The following TANC2 variants were observed in gnomAD, a reference collection of about 807,000 sequenced individuals.
TANC2 encodes tetratricopeptide repeat, ankyrin repeat and coiled-coil containing 2, also known as protein TANC2.
Under a neutral mutation model 210.5 loss-of-function variants are expected in TANC2, and 26 were observed. The ratio of observed to expected loss-of-function variants is 0.12; its 90% CI spans 0.09 to 0.17. The LOEUF (loss-of-function observed/expected upper bound fraction) is 0.17, where lower values mean the gene tolerates loss of function less well. TANC2 is among the 10% of genes least tolerant of loss of function. TANC2 has a pLI of 1.00. For missense variants in TANC2, 2,129 were observed against 2,608.9 expected (o/e 0.82, Z 4.01); for synonymous variants, 931 against 967.1 (o/e 0.96, Z 0.69).
rs899476750 is a variant in TANC2 at position 63,418,898 on chromosome 17, C to T, written c.4268+491C>T. 7.2e-5 allele frequency among the ~76,000 whole-genome samples: 11 copies of T among 151,858 alleles called. No homozygotes were observed. Among genetic ancestry groups the T allele is most frequent in the African/African-American group, 2.4e-4 (10 of 41,318 alleles). ...CCTCAAGTCTGGTGGCATCAGACCC[C>T]CTTCCACCTAAACCATCACCCACCA... On this transcript the variant is annotated intron_variant, in intron 27 of 27. Coordinates refer to ENST00000689528, the Ensembl canonical transcript of TANC2. This position sits in a 1 kb window ranked among gnomAD's most constrained non-coding sequence, Gnocchi z 4.6.
chr17:63,301,367 T>C (rs994142052), intron 9 of TANC2, among the ~76,000 whole-genome samples: 2 of 152,186 alleles, frequency 1.3e-5, no homozygotes, highest in African/African-American at 4.8e-5. Flanking sequence ...CAGCTCCTCT[T>C]TGTACCTCTG....
chr17:63,170,825 G>C (rs1436593630), intron 5 of TANC2, among the ~76,000 whole-genome samples: 1 of 152,066 alleles, frequency 6.6e-6, no homozygotes, highest in Non-Finnish European at 1.5e-5. Context: ...CCATCTCTTT[G>C]AGCAAACTGT....
chr17:63,421,991 A>G lies in TANC2; in HGVS notation c.*36A>G, dbSNP rs199999087. On this transcript the variant is annotated 3_prime_UTR_variant, in exon 28 of 28. Transcript: ENST00000689528. This position sits in a 1 kb window ranked among gnomAD's most constrained non-coding sequence, Gnocchi z 6.9. Reference sequence around the variant, plus strand: ...GTTGGAGTGAGACCCATATGTTTTCACTGCACATTTTCAGGCTTGGTTTCC... The same window carrying G: ...GTTGGAGTGAGACCCATATGTTTTCGCTGCACATTTTCAGGCTTGGTTTCC... 5.8e-6 allele frequency: 9 copies of G among 1,548,590 alleles called. No individual in the cohort carries two copies. The highest frequency in any genetic ancestry group is 7.8e-6 in the Non-Finnish European group (9 of 1,148,762).
At chr17:63,263,428 G>A (rs1247965875) in intron 8 of TANC2, among the ~76,000 whole-genome samples, 1 of 152,152 alleles carries the variant, frequency 6.6e-6, no homozygotes, top group Non-Finnish European at 1.5e-5. Context: ...GCATTTCAGA[G>A]TTATATTATA....
chr17:63,229,391 G>A (rs921273047), intron 7 of TANC2, among the ~76,000 whole-genome samples: 2 of 152,022 alleles, frequency 1.3e-5, no homozygotes, highest in African/African-American at 4.8e-5. Flanking sequence ...TTTCTTTTTT[G>A]TTGTATCCCT....
chr17:63,245,625 G>A (rs2042893761), intron 8 of TANC2, among the ~76,000 whole-genome samples: 3 of 151,850 alleles, frequency 2.0e-5, no homozygotes, highest in African/African-American at 7.3e-5. Context: ...GACGAATCAC[G>A]AGGTCAGGAG....
chr17:63,134,935 G>T (rs1036903286), intron 4 of TANC2, among the ~76,000 whole-genome samples: 1 of 152,082 alleles, frequency 6.6e-6, no homozygotes, highest in Non-Finnish European at 1.5e-5. Flanking sequence ...GACAACACAA[G>T]AACATCTAGC....
intron 2 of TANC2, among the ~76,000 whole-genome samples, chr17:63,065,660 T>A (rs550999602): frequency 8.5e-5 from 13 of 152,338 alleles, no homozygotes. Flanking sequence ...CTGTTGGGCA[T>A]GTTTATATAT....
chr17:63,377,431 A>G (rs1598977553), intron 14 of TANC2, among the ~76,000 whole-genome samples: 2 of 152,188 alleles, frequency 1.3e-5, no homozygotes, highest in Non-Finnish European at 2.9e-5. Context: ...TCTCAAGTTC[A>G]AAGTCCACAG....
At chr17:63,286,310 C>T (rs914977311) in intron 9 of TANC2, among the ~76,000 whole-genome samples, 4 of 152,044 alleles carry the variant, frequency 2.6e-5, no homozygotes, top group African/African-American at 9.7e-5. Flanking sequence ...TTTATTCAGC[C>T]TCTATATGTC....
intron 25 of TANC2, among the ~76,000 whole-genome samples, chr17:63,414,727 A>C (rs961984743): frequency 6.6e-6 from 1 of 152,216 alleles, no homozygotes; most frequent in Non-Finnish European, 1.5e-5. Flanking sequence ...GTGGAGTTGT[A>C]ACTATAGAGA....
chr17:63,263,888 G>T (rs2043443212), intron 8 of TANC2, among the ~76,000 whole-genome samples: 1 of 152,192 alleles, frequency 6.6e-6, no homozygotes, highest in African/African-American at 2.4e-5. Context: ...ATACTCAGAT[G>T]TTGAAAGATC....
At chr17:63,354,814 T>C (rs2046734755) in exon 14 of TANC2, 4 of 1,579,244 alleles carry the variant, frequency 2.5e-6, no homozygotes, top group Non-Finnish European at 3.4e-6. Flanking sequence ...TTCCATAGGA[T>C]TTTTTTGGAT....
chr17:63,123,683 CT>C (rs957485298), intron 4 of TANC2, among the ~76,000 whole-genome samples: 1,946 of 93,854 alleles, frequency 0.021, 3 homozygotes, highest in African/African-American at 0.056. Context: ...TAGGTAAAAT[CT>C]TTTTTTTTTT....
chr17:63,143,051 CT>C (rs900972531), intron 4 of TANC2, among the ~76,000 whole-genome samples: 3 of 152,182 alleles, frequency 2.0e-5, no homozygotes, highest in African/African-American at 7.2e-5. Context: ...TCTTACTGCT[CT>C]GTGCACATGG....
At chr17:63,357,984 T>C (rs1423747761) in intron 14 of TANC2, among the ~76,000 whole-genome samples, 1 of 152,230 alleles carries the variant, frequency 6.6e-6, no homozygotes, top group African/African-American at 2.4e-5. Flanking sequence ...TGTACATCTC[T>C]GTGGTGTAAG....
At chr17:63,027,372 G>A (rs1056287379) in intron 2 of TANC2, among the ~76,000 whole-genome samples, 2 of 151,894 alleles carry the variant, frequency 1.3e-5, no homozygotes, top group African/African-American at 4.8e-5. Flanking sequence ...TAAATAATGA[G>A]TTAAATATAT....
At chr17:63,182,766 T>A (rs933910402) in intron 5 of TANC2, 1 of 152,878 alleles carries the variant, frequency 6.5e-6, no homozygotes, top group Non-Finnish European at 1.5e-5. Flanking sequence ...CCTAAAATAG[T>A]TGATGGCAGA....
chr17:63,106,595 C>T (rs866115551), intron 4 of TANC2, among the ~76,000 whole-genome samples: 9 of 151,580 alleles, frequency 5.9e-5, no homozygotes, highest in South Asian at 4.1e-4. Context: ...ACAAGGCCCA[C>T]GCAAGAACGT....
Sources: allele counts gnomAD v4.1 joint callset (sites outside exome capture counted in the v4.1 genomes callset), GRCh38; gene constraint gnomAD v4.1.1; non-coding constraint Gnocchi (gnomAD v3.1); transcripts MANE v1.5; gene names NCBI Gene and HGNC (gene_info 2026-07-23, HGNC 2026-07-21).